Variants in PCDHA9 observed in about 807,000 individuals in gnomAD.
PCDHA9 encodes the protein protocadherin alpha 9, also known as protocadherin alpha-9.
A neutral mutation model predicts 62.0 loss-of-function variants in PCDHA9; 62 were observed. The ratio of observed to expected loss-of-function variants is 1.00; its 90% confidence interval spans 0.81 to 1.23. The LOEUF is 1.23. PCDHA9 is among the 50% of genes most tolerant of loss of function. The pLI is 0.00. For synonymous variants in PCDHA9, 557 were observed against 567.6 expected, an observed-to-expected ratio of 0.98 and a Z score of 0.27; for missense variants, 1,205 against 1,249.8, an observed-to-expected ratio of 0.96 and a Z score of 0.54.
chr5:140,945,275 A>G (rs1205952276), intron 1 of PCDHA9, among the ~76,000 whole-genome samples: 2 of 152,186 alleles, frequency 1.3e-5, no homozygotes, highest in Non-Finnish European at 2.9e-5. Context: ...TGAAAACTTT[A>G]AAACATTGAT....
chr5:140,913,237 C>A (rs2076260841), intron 1 of PCDHA9, among the ~76,000 whole-genome samples: 1 of 152,080 alleles, frequency 6.6e-6, no homozygotes, highest in Non-Finnish European at 1.5e-5. Context: ...TGCTGGGAGA[C>A]TTTTTGTTAC....
chr5:141,010,255 C>T lies in PCDHA9; in HGVS notation c.*318C>T. The T allele has an allele frequency of 6.4e-7, 1 of 1,551,816 alleles. No homozygotes were observed. Among genetic ancestry groups the T allele is most frequent in the Non-Finnish European group, 8.7e-7 (1 of 1,147,020 alleles). ...CCAGTGAGAGGTTGGACTCTCTGCC[C>T]TGTGCTCCGGGGATCCTGTCTTGAT... is the stretch of plus-strand genomic sequence containing the variant. On this transcript the variant is annotated 3_prime_UTR_variant, in exon 4 of 4. Coordinates refer to ENST00000532602, the MANE Select transcript of PCDHA9 (RefSeq NM_031857.2).
At chr5:140,938,881 A>T (rs2092243650) in intron 1 of PCDHA9, among the ~76,000 whole-genome samples, 1 of 152,088 alleles carries the variant, frequency 6.6e-6, no homozygotes, top group South Asian at 2.1e-4. Context: ...GAAGCAACAC[A>T]CACACACACA....
intron 3 of PCDHA9, among the ~76,000 whole-genome samples, chr5:140,998,111 T>A (rs1224150326): frequency 1.3e-5 from 2 of 152,108 alleles, no homozygotes; most frequent in African/African-American, 4.8e-5. Flanking sequence ...GAGGAGAAAA[T>A]TTACTTGTGA....
chr5:140,914,458 A>T (rs1294717004), intron 1 of PCDHA9, among the ~76,000 whole-genome samples: 2 of 152,004 alleles, frequency 1.3e-5, no homozygotes, highest in African/African-American at 4.8e-5. Flanking sequence ...TTTCCAGTCT[A>T]TGTGTATCTT....
chr5:140,976,353 C>T (rs1401617354), intron 1 of PCDHA9, among the ~76,000 whole-genome samples: 2 of 151,992 alleles, frequency 1.3e-5, no homozygotes, highest in African/African-American at 2.4e-5. Context: ...GTGTTCAAGA[C>T]CAGCCTGGCC....
intron 1 of PCDHA9, among the ~76,000 whole-genome samples, chr5:140,934,486 A>G (rs1243287097): frequency 6.6e-6 from 1 of 152,124 alleles, no homozygotes; most frequent in East Asian, 1.9e-4. Context: ...AATTATATTC[A>G]CCTCATAAAC....
chr5:140,870,147 A>G (rs1554163846), intron 1 of PCDHA9: 2 of 1,614,086 alleles, frequency 1.2e-6, no homozygotes, highest in Non-Finnish European at 1.7e-6. Flanking sequence ...ACTCTCCTGA[A>G]GTCGCCGTGA....
intron 1 of PCDHA9, among the ~76,000 whole-genome samples, chr5:140,974,338 A>G (rs1554235945): frequency 6.6e-6 from 1 of 152,212 alleles, no homozygotes; most frequent in Non-Finnish European, 1.5e-5. Flanking sequence ...CTAGCAGGCT[A>G]TGCATCCAGA....
At chr5:140,881,358 T>A in intron 1 of PCDHA9, 1 of 985,286 alleles carries the variant, frequency 1.0e-6, no homozygotes, top group Non-Finnish European at 1.2e-6. Flanking sequence ...AATGCGTGGC[T>A]TTCGTATGAA....
At chr5:140,875,250 C>A in intron 1 of PCDHA9, 1 of 1,016,106 alleles carries the variant, frequency 9.8e-7, no homozygotes, top group Non-Finnish European at 1.4e-6. Context: ...CATAATCAGT[C>A]ACATGATGTC....
At chr5:140,966,724 CGCCTCCGGCCCTGCCCGGCT>C (rs1563354102) in intron 1 of PCDHA9, 1 of 1,396,284 alleles carries the variant, frequency 7.2e-7, no homozygotes, top group Admixed American at 3.3e-5. Flanking sequence ...GGGAAGCTGC[CGCCTCCGGCCCTGCCCGGCT>C]GCCTCCGCCG....
intron 1 of PCDHA9, among the ~76,000 whole-genome samples, chr5:140,941,202 C>CCTTTCTTCCTTCCTTTCTTTCTTTCTTT (rs1394736170): frequency 4.9e-5 from 6 of 122,740 alleles, no homozygotes; most frequent in Admixed American, 1.7e-4. Context: ...TTTCTTTCTT[C>CCTTTCTTCCTTCCTTTCTTTCTTTCTTT]CTTTCTTTCT....
intron 1 of PCDHA9, chr5:140,861,521 G>A: frequency 2.2e-6 from 1 of 460,574 alleles, no homozygotes; most frequent in Admixed American, 2.2e-5. Flanking sequence ...TGTGTGGGAG[G>A]ATCTCGGAGT....
At chr5:140,960,855 A>T (rs1363929142) in intron 1 of PCDHA9, among the ~76,000 whole-genome samples, 1 of 152,204 alleles carries the variant, frequency 6.6e-6, no homozygotes, top group Non-Finnish European at 1.5e-5. Context: ...GGCAACTATA[A>T]GCCAGAAATT....
intron 1 of PCDHA9, chr5:140,967,556 G>A (rs1586226034): frequency 6.2e-7 from 1 of 1,614,030 alleles, no homozygotes; most frequent in East Asian, 2.2e-5. Context: ...CACTTATCGC[G>A]TCCAGCTACG....
At chr5:140,898,059 G>C (rs372963837) in intron 1 of PCDHA9, among the ~76,000 whole-genome samples, 2 of 151,948 alleles carry the variant, frequency 1.3e-5, no homozygotes, top group Non-Finnish European at 1.5e-5. Flanking sequence ...TTGTAAATTT[G>C]TTTGAGTTCA....
At chr5:140,991,167 G>T (rs186627829) in intron 3 of PCDHA9, among the ~76,000 whole-genome samples, 2 of 152,270 alleles carry the variant, frequency 1.3e-5, no homozygotes, top group Non-Finnish European at 2.9e-5. Flanking sequence ...TATTCCCATT[G>T]TCAAGCAGGA....
At chr5:141,008,431 C>T (rs1192058423) in intron 3 of PCDHA9, among the ~76,000 whole-genome samples, 1 of 152,140 alleles carries the variant, frequency 6.6e-6, no homozygotes, top group Non-Finnish European at 1.5e-5. Flanking sequence ...GATCACTTTG[C>T]CCAGACAGAC....
Sources: allele counts gnomAD v4.1 joint callset (sites outside exome capture counted in the v4.1 genomes callset), GRCh38; gene constraint gnomAD v4.1.1; transcripts MANE v1.5; gene names NCBI Gene and HGNC (gene_info 2026-07-23, HGNC 2026-07-21).